LINGO2: variants seen among roughly 807,000 people sequenced by gnomAD.
LINGO2 encodes leucine-rich repeat and immunoglobulin-like domain-containing nogo receptor-interacting protein 2.
Under a neutral mutation model 30.6 loss-of-function variants are expected in LINGO2, and 14 were observed. That is an observed-to-expected ratio of 0.46 (90% CI 0.30 to 0.72). The LOEUF (loss-of-function observed/expected upper bound fraction) is 0.72, where lower values mean the gene tolerates loss of function less well. Ranked by LOEUF, LINGO2 falls within the 30% of genes least tolerant of loss-of-function variation. LINGO2 has a pLI of 0.07. For missense variants in LINGO2, 729 were observed against 751.7 expected (o/e 0.97, Z 0.35); for synonymous variants, 317 against 288.5 (o/e 1.10, Z -1.00).
At chr9:28,928,387 G>A in the LINGO2 span, among the ~76,000 whole-genome samples, 1 of 152,084 alleles carries the variant, frequency 6.6e-6, no homozygotes, top group Admixed American at 6.5e-5. Flanking sequence ...CTAAAAGAAG[G>A]ATATACCTAT....
the LINGO2 span, among the ~76,000 whole-genome samples, chr9:28,777,675 A>G: frequency 6.6e-6 from 1 of 152,158 alleles, no homozygotes; most frequent in Admixed American, 6.5e-5. Flanking sequence ...ATCTCACAGA[A>G]AGATCTTTTG....
At chr9:29,110,477 C>G in the LINGO2 span, among the ~76,000 whole-genome samples, 1 of 151,316 alleles carries the variant, frequency 6.6e-6, no homozygotes, top group Non-Finnish European at 1.5e-5. Context: ...GGACTACAGG[C>G]GCCCGCCGCC....
the LINGO2 span, among the ~76,000 whole-genome samples, chr9:28,893,755 T>C: frequency 1.3e-5 from 2 of 152,078 alleles, no homozygotes; most frequent in African/African-American, 4.8e-5. Flanking sequence ...TTGATTTTTT[T>C]TAATTATTAT....
At chr9:28,382,434 T>C (rs893159265) in intron 2 of LINGO2, among the ~76,000 whole-genome samples, 5 of 152,124 alleles carry the variant, frequency 3.3e-5, no homozygotes, top group Non-Finnish European at 5.9e-5. Flanking sequence ...CTACAACACA[T>C]TGTGGACCAT....
chr9:28,547,048 A>G (rs1821987004), intron 1 of LINGO2, among the ~76,000 whole-genome samples: 1 of 152,080 alleles, frequency 6.6e-6, no homozygotes, highest in Admixed American at 6.6e-5. Flanking sequence ...AATAATTCCA[A>G]GTGAAATACT....
At chr9:29,181,627 G>A in the LINGO2 span, among the ~76,000 whole-genome samples, 2 of 152,110 alleles carry the variant, frequency 1.3e-5, no homozygotes, top group Non-Finnish European at 2.9e-5. Flanking sequence ...AAAAAGAGAA[G>A]AGGCAACTGA....
the LINGO2 span, among the ~76,000 whole-genome samples, chr9:28,727,161 T>A: frequency 6.6e-6 from 1 of 152,300 alleles, no homozygotes; most frequent in African/African-American, 2.4e-5. Context: ...TGTTAAAATA[T>A]ATTAAAATTA....
At chr9:29,024,641 G>C in the LINGO2 span, among the ~76,000 whole-genome samples, 1 of 151,978 alleles carries the variant, frequency 6.6e-6, no homozygotes, top group Non-Finnish European at 1.5e-5. Context: ...TAACTATCTG[G>C]TCCCAGATTA....
intron 4 of LINGO2, among the ~76,000 whole-genome samples, chr9:28,041,664 T>A (rs1267670424): frequency 6.6e-6 from 1 of 152,198 alleles, no homozygotes; most frequent in Non-Finnish European, 1.5e-5. Flanking sequence ...GATTTATATA[T>A]TTGATCTAAT....
chr9:28,127,221 T>C (rs1032161532), intron 4 of LINGO2, among the ~76,000 whole-genome samples: 33 of 152,060 alleles, frequency 2.2e-4, no homozygotes, highest in African/African-American at 8.0e-4. Context: ...TTATGACTGG[T>C]TTGGTGAATA....
At chr9:28,932,107 A>AAAAATAAAATAAAAG in the LINGO2 span, among the ~76,000 whole-genome samples, 1 of 107,564 alleles carries the variant, frequency 9.3e-6, no homozygotes, top group Non-Finnish European at 1.8e-5. Context: ...ACTCTGACAA[A>AAAAATAAAATAAAAG]AAAATAAAAT....
At chr9:28,987,157 G>A in the LINGO2 span, among the ~76,000 whole-genome samples, 1 of 148,744 alleles carries the variant, frequency 6.7e-6, no homozygotes, top group Admixed American at 6.8e-5. Flanking sequence ...GCATTCAGCA[G>A]TGAAGCCTTC....
chr9:27,975,537 T>C (rs1214636826), intron 5 of LINGO2, among the ~76,000 whole-genome samples: 2 of 152,122 alleles, frequency 1.3e-5, no homozygotes, highest in Non-Finnish European at 2.9e-5. Context: ...AGTTGATTCT[T>C]GCAAAGCTGA....
chr9:27,961,768 C>T (rs1335404797), intron 5 of LINGO2, among the ~76,000 whole-genome samples: 1 of 152,146 alleles, frequency 6.6e-6, no homozygotes, highest in Non-Finnish European at 1.5e-5. Context: ...ATAGTGGTTA[C>T]TCTCAGGGTC....
At chr9:28,054,753 AC>A (rs965306724) in intron 4 of LINGO2, among the ~76,000 whole-genome samples, 6 of 152,050 alleles carry the variant, frequency 3.9e-5, no homozygotes, top group African/African-American at 1.4e-4. Flanking sequence ...ATCCACAAAT[AC>A]CATATTATAA....
the LINGO2 span, among the ~76,000 whole-genome samples, chr9:28,772,342 T>C: frequency 3.3e-5 from 5 of 152,316 alleles, no homozygotes; most frequent in Middle Eastern, 3.4e-3. Context: ...TTCTTTGGCT[T>C]CCTTCTCTCT....
intron 1 of LINGO2, among the ~76,000 whole-genome samples, chr9:28,646,984 G>A (rs886847856): frequency 6.6e-6 from 1 of 152,076 alleles, no homozygotes; most frequent in African/African-American, 2.4e-5. Flanking sequence ...ATTCCAGAAT[G>A]TGGTGACTCA....
At chr9:28,448,396 C>T (rs1039833482) in intron 2 of LINGO2, among the ~76,000 whole-genome samples, 3 of 152,040 alleles carry the variant, frequency 2.0e-5, no homozygotes, top group Non-Finnish European at 4.4e-5. Context: ...AGTCAGAAAG[C>T]ATTCTGATGT....
At chr9:29,070,150 A>G in the LINGO2 span, among the ~76,000 whole-genome samples, 1 of 152,056 alleles carries the variant, frequency 6.6e-6, no homozygotes, top group Admixed American at 6.6e-5. Flanking sequence ...AACTCCTATT[A>G]TCTTCTATTA....
Sources: gnomAD v4.1 joint callset for allele counts (sites outside exome capture counted in the v4.1 genomes callset) on GRCh38, gnomAD v4.1.1 for gene constraint, MANE v1.5 for transcripts, NCBI Gene and HGNC (gene_info 2026-07-23, HGNC 2026-07-21) for gene names.